The following DPP10 variants were observed in gnomAD, a reference collection of about 807,000 sequenced individuals.
DPP10 encodes dipeptidyl peptidase like 10, also known as inactive dipeptidyl peptidase 10.
DPP10 carries 33 observed loss-of-function variants against 120.9 expected under a neutral mutation model. The observed-to-expected ratio is 0.27, with a 90% CI of 0.21 to 0.37. The LOEUF is 0.37. DPP10 is among the 10% of genes least tolerant of loss of function. DPP10 has a pLI of 1.00. For missense variants in DPP10, 816 were observed against 942.8 expected (o/e 0.87, Z 1.76); for synonymous variants, 337 against 326.1 (o/e 1.03, Z -0.36).
chr2:114,714,598 C>T (rs1037813904), intron 1 of DPP10, among the ~76,000 whole-genome samples: 1 of 152,022 alleles, frequency 6.6e-6, no homozygotes, highest in Non-Finnish European at 1.5e-5. Context: ...TGGTCTGGCT[C>T]CTTGAAAGTT....
intron 1 of DPP10, among the ~76,000 whole-genome samples, chr2:115,215,406 T>C (rs912044748): frequency 1.4e-4 from 22 of 152,336 alleles, no homozygotes; most frequent in African/African-American, 4.8e-4. Context: ...ATTTTGAGCA[T>C]TTGTGAATTT....
chr2:114,465,910 C>T (rs1679325832), intron 1 of DPP10, among the ~76,000 whole-genome samples: 1 of 152,154 alleles, frequency 6.6e-6, no homozygotes, highest in Non-Finnish European at 1.5e-5. Context: ...ATTATAGTCA[C>T]CTACAGTGGT....
rs60833358 is a variant in DPP10 at position 114,559,891 on chromosome 2, C to CAA, written c.60+117073_60+117074dup. Among the ~76,000 whole-genome samples, 653 of 65,928 alleles carry CAA rather than the reference C, an allele frequency of 9.9e-3. 1 individual carries two copies. The highest frequency in any genetic ancestry group is 0.018 in the Admixed American group (92 of 5,078). The allele number at this position is 65,928 out of a possible 152,430, so 43.3% of individuals were successfully genotyped here. ...TCATAGACTGCAAGAAGAAAAAAAG[C>CAA]AAAAAAAAAAAAAAAAAAAAACAAA... On this transcript the variant is annotated intron_variant, in intron 1 of 25. Transcript: ENST00000410059.
At chr2:115,138,857 T>C (rs1253078152) in intron 1 of DPP10, among the ~76,000 whole-genome samples, 2 of 152,206 alleles carry the variant, frequency 1.3e-5, no homozygotes, top group Non-Finnish European at 2.9e-5. Context: ...TTAGTTGCAT[T>C]ACATTTAATT....
chr2:115,456,338 A>G (rs1315156310), intron 3 of DPP10, among the ~76,000 whole-genome samples: 1 of 152,204 alleles, frequency 6.6e-6, no homozygotes, highest in African/African-American at 2.4e-5. Flanking sequence ...GTGGAGAAAT[A>G]GGAATGCTTT....
At chr2:114,768,745 A>G (rs1680972706) in intron 1 of DPP10, among the ~76,000 whole-genome samples, 1 of 152,220 alleles carries the variant, frequency 6.6e-6, no homozygotes, top group East Asian at 1.9e-4. Context: ...AAATTACAGA[A>G]CACAGGATAA....
chr2:115,035,366 C>G (rs1005721918), intron 1 of DPP10, among the ~76,000 whole-genome samples: 5 of 152,126 alleles, frequency 3.3e-5, no homozygotes, highest in Admixed American at 6.5e-5. Flanking sequence ...AACACAAAAT[C>G]TTAAATAATT....
intron 1 of DPP10, among the ~76,000 whole-genome samples, chr2:114,472,317 T>G (rs1276170621): frequency 6.6e-6 from 1 of 152,222 alleles, no homozygotes; most frequent in Non-Finnish European, 1.5e-5. Context: ...AGGAGATGGC[T>G]CTCATGTCCT....
intron 1 of DPP10, among the ~76,000 whole-genome samples, chr2:114,747,552 C>CA (rs757941081): frequency 1.7e-4 from 26 of 152,028 alleles, no homozygotes; most frequent in Non-Finnish European, 3.5e-4. Flanking sequence ...TATAGAAATA[C>CA]AAAAAATGTA....
At chr2:115,627,407 G>C (rs915758204) in intron 5 of DPP10, among the ~76,000 whole-genome samples, 3 of 152,142 alleles carry the variant, frequency 2.0e-5, no homozygotes, top group African/African-American at 7.2e-5. Flanking sequence ...TTGCACTTGG[G>C]AACAAAGTGA....
chr2:114,579,321 T>G (rs953573577), intron 1 of DPP10, among the ~76,000 whole-genome samples: 1 of 152,182 alleles, frequency 6.6e-6, no homozygotes, highest in Non-Finnish European at 1.5e-5. Flanking sequence ...GGCTTGATTG[T>G]TTTCCACTTG....
At chr2:115,718,631 T>C (rs1002644956) in intron 7 of DPP10, among the ~76,000 whole-genome samples, 1 of 152,202 alleles carries the variant, frequency 6.6e-6, no homozygotes, top group African/African-American at 2.4e-5. Context: ...ATCCATTGGT[T>C]TTATTTTTCC....
intron 3 of DPP10, among the ~76,000 whole-genome samples, chr2:115,439,993 A>G (rs958022100): frequency 1.3e-5 from 2 of 152,178 alleles, no homozygotes; most frequent in Admixed American, 6.5e-5. Context: ...TGTAATTGCA[A>G]ACTTGCAAAA....
chr2:115,319,107 A>G (rs1230579319), intron 2 of DPP10, among the ~76,000 whole-genome samples: 1 of 152,124 alleles, frequency 6.6e-6, no homozygotes, highest in Admixed American at 6.6e-5. Flanking sequence ...AAATATTTTT[A>G]TAAGGAGTGT....
intron 1 of DPP10, among the ~76,000 whole-genome samples, chr2:114,584,568 C>A (rs1344549935): frequency 1.6e-5 from 2 of 128,116 alleles, no homozygotes; most frequent in African/African-American, 3.0e-5. Context: ...ACAACAGGCC[C>A]CAGAGTGTGA....
chr2:114,798,674 G>A (rs933854503), intron 1 of DPP10, among the ~76,000 whole-genome samples: 24 of 152,250 alleles, frequency 1.6e-4, no homozygotes, highest in Non-Finnish European at 2.5e-4. Flanking sequence ...GTGGGGGCAC[G>A]AGGAGGAGAA....
chr2:114,703,438 C>T (rs927319415), intron 1 of DPP10, among the ~76,000 whole-genome samples: 5 of 152,076 alleles, frequency 3.3e-5, no homozygotes, highest in African/African-American at 9.7e-5. Flanking sequence ...TTTTCACAGA[C>T]ATAAGTTTGT....
intron 1 of DPP10, among the ~76,000 whole-genome samples, chr2:114,576,504 C>T (rs146720593): frequency 1.3e-5 from 2 of 152,112 alleles, no homozygotes; most frequent in East Asian, 3.9e-4. Flanking sequence ...AACAAATACC[C>T]CTATCTCTCT....
intron 17 of DPP10, among the ~76,000 whole-genome samples, chr2:115,784,691 G>A (rs945518212): frequency 1.3e-5 from 2 of 151,844 alleles, no homozygotes; most frequent in African/African-American, 2.4e-5. Context: ...GCATCACCAC[G>A]CCCAGCTAAT....
Sources: gnomAD v4.1 joint callset for allele counts (sites outside exome capture counted in the v4.1 genomes callset) on GRCh38, gnomAD v4.1.1 for gene constraint, MANE v1.5 for transcripts, NCBI Gene and HGNC (gene_info 2026-07-23, HGNC 2026-07-21) for gene names.